Variants in PRKAG2 observed in about 807,000 individuals in gnomAD.
PRKAG2 encodes protein kinase AMP-activated non-catalytic subunit gamma 2.
In PRKAG2, 26 loss-of-function variants were observed where a neutral mutation model predicts 69.6. The ratio of observed to expected loss-of-function variants is 0.37; its 90% CI spans 0.27 to 0.52. The LOEUF (loss-of-function observed/expected upper bound fraction) is 0.52, where lower values mean the gene tolerates loss of function less well. Among genes scored for constraint, PRKAG2 ranks in the 20% least tolerant of loss-of-function variants. The pLI is 0.90. For synonymous variants in PRKAG2, 293 were observed against 285.0 expected, an observed-to-expected ratio of 1.03 and a Z score of -0.28; for missense variants, 557 against 740.0, an observed-to-expected ratio of 0.75 and a Z score of 2.87.
intron 4 of PRKAG2, among the ~76,000 whole-genome samples, chr7:151,656,500 G>A (rs1247255877): frequency 1.3e-5 from 2 of 152,222 alleles, no homozygotes; most frequent in Non-Finnish European, 2.9e-5. Flanking sequence ...AGGTTACAGT[G>A]AGCCAAGACT....
intron 4 of PRKAG2, among the ~76,000 whole-genome samples, chr7:151,646,110 T>C (rs978173702): frequency 2.6e-5 from 4 of 152,256 alleles, no homozygotes; most frequent in Non-Finnish European, 4.4e-5. Context: ...AGCTCTATAA[T>C]AGGCCTTAAA....
chr7:151,585,219 T>A (rs959276548), intron 6 of PRKAG2, among the ~76,000 whole-genome samples: 2 of 152,232 alleles, frequency 1.3e-5, no homozygotes, highest in African/African-American at 4.8e-5. Flanking sequence ...TGTTATAGAA[T>A]TCTAGACATA....
intron 4 of PRKAG2, among the ~76,000 whole-genome samples, chr7:151,658,194 T>TAAATAAAAA (rs1188245398): frequency 7.5e-6 from 1 of 133,792 alleles, no homozygotes; most frequent in South Asian, 2.3e-4. Flanking sequence ...AATAAATAAA[T>TAAATAAAAA]AAGAATAATA....
chr7:151,832,329 T>C (rs2079052786), intron 1 of PRKAG2, among the ~76,000 whole-genome samples: 2 of 151,706 alleles, frequency 1.3e-5, no homozygotes, highest in Non-Finnish European at 2.9e-5. Context: ...ACAGAGTTTG[T>C]GGACACCAGT....
chr7:151,737,436 G>C (rs540542462), intron 3 of PRKAG2, among the ~76,000 whole-genome samples: 1 of 152,190 alleles, frequency 6.6e-6, no homozygotes, highest in South Asian at 2.1e-4. Context: ...ACATGAGGAG[G>C]AGACTATGTC....
At chr7:151,804,253 G>T (rs549777728) in intron 1 of PRKAG2, among the ~76,000 whole-genome samples, 3 of 152,164 alleles carry the variant, frequency 2.0e-5, no homozygotes, top group African/African-American at 7.2e-5. Flanking sequence ...TGTAGGTGAC[G>T]CAGGCTGCTT....
chr7:151,663,580 G>A (rs146572672), intron 4 of PRKAG2, among the ~76,000 whole-genome samples: 220 of 152,198 alleles, frequency 1.4e-3, no homozygotes, highest in Admixed American at 4.3e-3. Flanking sequence ...GGCTGGTCTC[G>A]AACTCCTGGG....
chr7:151,680,773 C>G (rs1275232494), intron 3 of PRKAG2, among the ~76,000 whole-genome samples: 1 of 152,220 alleles, frequency 6.6e-6, no homozygotes, highest in Non-Finnish European at 1.5e-5. Context: ...CAGCTCTGTG[C>G]AGGGGTGTCT....
In PRKAG2 at chr7:151,657,880, A is replaced by G. The variant is rs565665722; in HGVS notation, c.684+17540T>C. On this transcript the variant is annotated intron_variant, in intron 4 of 15. Transcript: ENST00000287878. ...TTGTGTTTAAAGAATGATGGAGGGC[A>G]GGTGCAGTGGCTCATGCCTGTAATC... Among the ~76,000 whole-genome samples the G allele has an allele frequency of 2.6e-5, 4 of 152,348 alleles. No individual in the cohort carries two copies. The South Asian group carries it at 8.3e-4, about 32-fold the overall frequency.
intron 4 of PRKAG2, among the ~76,000 whole-genome samples, chr7:151,658,666 G>A (rs1282343846): frequency 6.6e-6 from 1 of 152,086 alleles, no homozygotes; most frequent in Non-Finnish European, 1.5e-5. Flanking sequence ...CGCCGAAACA[G>A]TACAAAAATA....
At chr7:151,616,470 T>C (rs770693262) in intron 5 of PRKAG2, among the ~76,000 whole-genome samples, 5 of 152,194 alleles carry the variant, frequency 3.3e-5, no homozygotes, top group Non-Finnish European at 7.3e-5. Context: ...CAGAGCAGCG[T>C]GTGGCAACTT....
intron 3 of PRKAG2, among the ~76,000 whole-genome samples, chr7:151,677,633 T>C (rs528634399): frequency 6.6e-6 from 1 of 152,376 alleles, no homozygotes; most frequent in East Asian, 1.9e-4. Context: ...ATTTTAAGTT[T>C]GGCCTAAAGG....
chr7:151,781,513 T>G lies in PRKAG2; in HGVS notation c.187-82A>C. 1.3e-6 allele frequency: 2 copies of G among 1,503,142 alleles called. No individual in the cohort carries two copies. The highest frequency in any genetic ancestry group is 1.8e-6 in the Non-Finnish European group (2 of 1,113,732). The allele number at this position is 1,503,142 out of a possible 1,614,324, so 93.1% of individuals were successfully genotyped here. On this transcript the variant is annotated intron_variant, in intron 2 of 15. Transcript: ENST00000287878. The surrounding 1 kb of genome is among the most constrained non-coding windows in gnomAD (Gnocchi z 6.1). Reference sequence around the variant, plus strand: ...CTGCCCTGTATGAAACTTATCATTGTCCTCTCTCACATGCGGGCCCCCCAT... The same window carrying G: ...CTGCCCTGTATGAAACTTATCATTGGCCTCTCTCACATGCGGGCCCCCCAT...
At chr7:151,803,635 T>C (rs913820059) in intron 1 of PRKAG2, among the ~76,000 whole-genome samples, 1 of 152,160 alleles carries the variant, frequency 6.6e-6, no homozygotes, top group Non-Finnish European at 1.5e-5. Flanking sequence ...GTATTACCCA[T>C]TTGCTATTTA....
intron 3 of PRKAG2, among the ~76,000 whole-genome samples, chr7:151,778,732 A>T (rs1461405732): frequency 1.3e-5 from 2 of 151,972 alleles, no homozygotes; most frequent in African/African-American, 2.4e-5. Flanking sequence ...GGAGCTTGAC[A>T]TTTTTTTCAA....
At chr7:151,579,702 A>T (rs941704649) in intron 6 of PRKAG2, among the ~76,000 whole-genome samples, 7 of 152,198 alleles carry the variant, frequency 4.6e-5, no homozygotes, top group Admixed American at 2.6e-4. Flanking sequence ...AAATTTATCA[A>T]GAAGAATCAA....
intron 4 of PRKAG2, chr7:151,674,928 CTT>C: frequency 1.8e-5 from 3 of 169,932 alleles, no homozygotes; most frequent in South Asian, 1.4e-4. Context: ...TTCTTTTTTT[CTT>C]TTTTTTTTCA....
intron 3 of PRKAG2, among the ~76,000 whole-genome samples, chr7:151,702,421 G>A (rs1036609313): frequency 6.6e-6 from 1 of 152,130 alleles, no homozygotes; most frequent in South Asian, 2.1e-4. Context: ...GACAGCAGAC[G>A]GATGGGGATG....
At chr7:151,643,688 G>C (rs1262921570) in intron 4 of PRKAG2, among the ~76,000 whole-genome samples, 2 of 152,200 alleles carry the variant, frequency 1.3e-5, no homozygotes, top group Non-Finnish European at 2.9e-5. Context: ...AGCCACTTAT[G>C]GTGGATTAGA....
Sources: allele counts gnomAD v4.1 joint callset (sites outside exome capture counted in the v4.1 genomes callset), GRCh38; gene constraint gnomAD v4.1.1; non-coding constraint Gnocchi (gnomAD v3.1); transcripts MANE v1.5; gene names NCBI Gene and HGNC (gene_info 2026-07-23, HGNC 2026-07-21).